The following PCCA variants were observed in gnomAD, a reference collection of about 807,000 sequenced individuals.
The protein encoded by PCCA is propionyl-CoA carboxylase alpha chain, mitochondrial.
PCCA carries 74 observed loss-of-function variants against 101.3 expected under a neutral mutation model. The observed-to-expected ratio is 0.73, with a 90% confidence interval of 0.61 to 0.89. The LOEUF (loss-of-function observed/expected upper bound fraction) is 0.89, where lower values mean the gene tolerates loss of function less well. Among genes scored for constraint, PCCA ranks in the 40% least tolerant of loss-of-function variants. PCCA has a pLI of 0.00. For synonymous variants in PCCA, 294 were observed against 313.6 expected (o/e 0.94, Z 0.66); for missense variants, 891 against 907.0 (o/e 0.98, Z 0.23).
At chr13:100,285,246 C>T (rs1034032094) in intron 12 of PCCA, among the ~76,000 whole-genome samples, 2 of 152,162 alleles carry the variant, frequency 1.3e-5, no homozygotes, top group Non-Finnish European at 2.9e-5. Flanking sequence ...TCAAGGACAC[C>T]CAGAGGGCAA....
intron 23 of PCCA, 96 bp from the exon 24 acceptor site, chr13:100,530,002 C>T: frequency 1.1e-6 from 1 of 923,846 alleles, no homozygotes; most frequent in Non-Finnish European, 1.8e-6. Context: ...GCTTGCAGGA[C>T]TGTGCATTTT....
At chr13:100,262,131 A>G (rs1594987572) in intron 9 of PCCA, among the ~76,000 whole-genome samples, 1 of 152,110 alleles carries the variant, frequency 6.6e-6, no homozygotes, top group Non-Finnish European at 1.5e-5. Context: ...TGTGGCTCAC[A>G]CCTGTAATCC....
intron 21 of PCCA, among the ~76,000 whole-genome samples, chr13:100,510,085 A>C (rs2086366331): frequency 6.6e-6 from 1 of 152,222 alleles, no homozygotes; most frequent in Non-Finnish European, 1.5e-5. Context: ...TGGCAGCCGG[A>C]ACTTCTACAA....
At position 100,299,380 on chromosome 13, in the gene PCCA, A is replaced by G. The variant is rs562007118; in HGVS notation, c.1066-2080A>G. 3.5e-4 allele frequency among the ~76,000 whole-genome samples: 53 copies of G among 152,332 alleles called. No individual in the cohort carries two copies. In the South Asian group the frequency reaches 4.8e-3, roughly 14 times the overall value. On this transcript the variant is annotated intron_variant, in intron 12 of 23. Coordinates refer to ENST00000376285, the MANE Select transcript of PCCA (RefSeq NM_000282.4). Reference sequence around the variant, plus strand: ...ACCTTCATAGTAATATGCTTTTTAAAAGACATGTATACATAATTGTATAGC... The same window carrying G: ...ACCTTCATAGTAATATGCTTTTTAAGAGACATGTATACATAATTGTATAGC...
At chr13:100,114,280 A>G (rs928915411) in intron 4 of PCCA, among the ~76,000 whole-genome samples, 1 of 152,192 alleles carries the variant, frequency 6.6e-6, no homozygotes, top group African/African-American at 2.4e-5. Flanking sequence ...TAATTTGATT[A>G]AAAAATGGGC....
At chr13:100,124,759 A>G (rs2049783623) in intron 4 of PCCA, among the ~76,000 whole-genome samples, 2 of 152,292 alleles carry the variant, frequency 1.3e-5, no homozygotes, top group South Asian at 2.1e-4. Context: ...TCAACATTTT[A>G]TGGGATTATT....
At chr13:100,146,628 G>A (rs909052836) in intron 4 of PCCA, among the ~76,000 whole-genome samples, 1 of 151,406 alleles carries the variant, frequency 6.6e-6, no homozygotes, top group Non-Finnish European at 1.5e-5. Context: ...GCTTACAAAC[G>A]TGCAAATGTG....
At chr13:100,315,337 C>T (rs562156222) in intron 16 of PCCA, among the ~76,000 whole-genome samples, 1 of 151,632 alleles carries the variant, frequency 6.6e-6, no homozygotes, top group African/African-American at 2.4e-5. Flanking sequence ...AGAGCAAGAA[C>T]CCCCACTCTC....
chr13:100,400,335 C>T (rs1257519766), intron 19 of PCCA, among the ~76,000 whole-genome samples: 7 of 152,116 alleles, frequency 4.6e-5, no homozygotes, highest in African/African-American at 1.7e-4. Context: ...TGCCTTTTCT[C>T]CCCCAGTTCC....
In PCCA at chr13:100,102,871, CT is replaced by C. The variant is rs748165273; in HGVS notation, c.106-5del. ...AGTATTTGCAATTTATTTTGCTTTC[CT>C]TTTTTTGTAGCATGTTCTGTACTAT... is the stretch of plus-strand genomic sequence containing the variant. On this transcript the variant is annotated splice_polypyrimidine_tract_variant and intron_variant, in intron 1 of 23. Coordinates refer to ENST00000376285, the MANE Select transcript of PCCA (RefSeq NM_000282.4). The C allele has an allele frequency of 3.7e-6, 6 of 1,602,374 alleles. No homozygotes were observed. Among genetic ancestry groups the C allele is most frequent in the Non-Finnish European group, 5.1e-6 (6 of 1,169,624 alleles).
At chr13:100,527,323 C>A in intron 22 of PCCA, 1 of 478,610 alleles carries the variant, frequency 2.1e-6, no homozygotes, top group Non-Finnish European at 4.3e-6. Flanking sequence ...CTGTAGAGAT[C>A]TGCCTATTCT....
chr13:100,461,358 A>T (rs760288018), intron 21 of PCCA, among the ~76,000 whole-genome samples: 2 of 152,246 alleles, frequency 1.3e-5, no homozygotes, highest in Non-Finnish European at 2.9e-5. Context: ...TGCTTCTGAA[A>T]ATTCACTTAC....
intron 21 of PCCA, among the ~76,000 whole-genome samples, chr13:100,472,872 TAA>T (rs112926036): frequency 7.0e-6 from 1 of 143,234 alleles, no homozygotes; most frequent in Admixed American, 6.9e-5. Flanking sequence ...TATCATAAGA[TAA>T]AAAAAAAAAA....
At chr13:100,455,770 G>A (rs2081661496) in intron 21 of PCCA, among the ~76,000 whole-genome samples, 1 of 152,016 alleles carries the variant, frequency 6.6e-6, no homozygotes, top group Admixed American at 6.6e-5. Context: ...TGCAGTCTTG[G>A]CTCACTCCAA....
At chr13:100,096,428 T>A (rs73568999) in intron 1 of PCCA, among the ~76,000 whole-genome samples, 5,402 of 152,276 alleles carry the variant, frequency 0.035, 312 homozygotes, top group African/African-American at 0.12. Context: ...TTCCCCTATG[T>A]CTCTCCCTCT....
At chr13:100,098,931 G>T (rs1359760675) in intron 1 of PCCA, among the ~76,000 whole-genome samples, 1 of 152,140 alleles carries the variant, frequency 6.6e-6, no homozygotes, top group East Asian at 1.9e-4. Flanking sequence ...TTCAGAGAAG[G>T]GCATGGGCTC....
In PCCA at chr13:100,209,542, A is replaced by G. The variant is rs543726826; in HGVS notation, c.600+79A>G. The G allele has an allele frequency of 7.7e-5, 98 of 1,264,818 alleles. 1 individual carries two copies. Among genetic ancestry groups the G allele is most frequent in the Non-Finnish European group, 9.8e-5 (85 of 869,878 alleles). 78.3% of individuals were successfully genotyped at this position (1,264,818 alleles called of 1,614,324 possible). A position where few individuals can be genotyped will look rare whatever the true frequency, so the allele number is the denominator to read the frequency against. On this transcript the variant is annotated intron_variant, in intron 7 of 23. Transcript: ENST00000376285. ...CAAAAGTATAAGATAAAATGTAACTATTGCTTTTTTGGGATATACACACAC... is the reference window on the plus strand; with the variant it reads ...CAAAAGTATAAGATAAAATGTAACTGTTGCTTTTTTGGGATATACACACAC...
At chr13:100,168,979 G>A (rs577516154) in intron 6 of PCCA, among the ~76,000 whole-genome samples, 33 of 152,098 alleles carry the variant, frequency 2.2e-4, no homozygotes, top group African/African-American at 4.3e-4. Flanking sequence ...CAAAACTACC[G>A]GGTTGAAAGA....
chr13:100,318,495 T>A, intron 16 of PCCA, among the ~76,000 whole-genome samples: 1 of 107,098 alleles, frequency 9.3e-6, no homozygotes, highest in African/African-American at 3.6e-5. Flanking sequence ...CCCCACCCCA[T>A]GACAGGCCCT....
Sources: allele counts gnomAD v4.1 joint callset (sites outside exome capture counted in the v4.1 genomes callset), GRCh38; gene constraint gnomAD v4.1.1; transcripts MANE v1.5; gene names NCBI Gene and HGNC (gene_info 2026-07-23, HGNC 2026-07-21).